The following CUX1 variants were observed in gnomAD, a reference collection of about 807,000 sequenced individuals.
CUX1 encodes protein CASP.
A neutral mutation model predicts 158.8 loss-of-function variants in CUX1; 31 were observed. That is an observed-to-expected ratio of 0.20 (90% confidence interval 0.15 to 0.26). The LOEUF (loss-of-function observed/expected upper bound fraction) is 0.26. CUX1 is among the 10% of genes least tolerant of loss of function. CUX1 has a pLI of 1.00. For missense variants in CUX1, 1,589 were observed against 2,014.6 expected, an observed-to-expected ratio of 0.79 and a Z score of 4.04; for synonymous variants, 879 against 862.1, an observed-to-expected ratio of 1.02 and a Z score of -0.34.
At chr7:102,185,562 G>A (rs1216933138) in intron 11 of CUX1, among the ~76,000 whole-genome samples, 1 of 151,742 alleles carries the variant, frequency 6.6e-6, no homozygotes, top group African/African-American at 2.4e-5. Context: ...TGGGACTGCC[G>A]GCACATGCTA....
intron 9 of CUX1, among the ~76,000 whole-genome samples, chr7:102,169,293 C>G (rs1466565049): frequency 6.6e-6 from 1 of 151,872 alleles, no homozygotes; most frequent in Non-Finnish European, 1.5e-5. Context: ...GGTCTCGAAC[C>G]CCTGACCTCA....
chr7:101,883,741 G>A (rs1799951761), intron 1 of CUX1, among the ~76,000 whole-genome samples: 2 of 151,766 alleles, frequency 1.3e-5, no homozygotes, highest in Admixed American at 6.6e-5. Flanking sequence ...GATTATAGGC[G>A]CCTGCTACCA....
chr7:102,254,680 G>A lies in CUX1; in HGVS notation c.*5638G>A, dbSNP rs898898764. 2.0e-6 allele frequency: 2 copies of A among 985,346 alleles called. No individual in the cohort carries two copies. The highest frequency in any genetic ancestry group is 4.7e-5 in the South Asian group (1 of 21,290). The allele number at this position is 985,346 out of a possible 1,614,324, so 61.0% of individuals were successfully genotyped here. ...CATTTAGAAAGCCCTCAGTGCTTCTGTGGTTTCACCTGGGCATCGACGACA... is the reference window on the plus strand; with the variant it reads ...CATTTAGAAAGCCCTCAGTGCTTCTATGGTTTCACCTGGGCATCGACGACA... On this transcript the variant is annotated 3_prime_UTR_variant, in exon 24 of 24. Transcript: ENST00000292535.
chr7:101,978,052 G>A (rs570097537), intron 2 of CUX1, among the ~76,000 whole-genome samples: 32 of 151,100 alleles, frequency 2.1e-4, no homozygotes, highest in African/African-American at 6.1e-4. Context: ...CCCCACTCGC[G>A]CCCTGCACCT....
intron 4 of CUX1, among the ~76,000 whole-genome samples, chr7:102,075,742 T>A (rs1826636170): frequency 6.6e-6 from 1 of 152,326 alleles, no homozygotes; most frequent in South Asian, 2.1e-4. Context: ...AATGTATCTT[T>A]TATTGAGTTG....
chr7:101,937,793 G>A (rs1051662204), intron 2 of CUX1, among the ~76,000 whole-genome samples: 4 of 152,062 alleles, frequency 2.6e-5, no homozygotes, highest in Non-Finnish European at 4.4e-5. Flanking sequence ...GATTACAGGC[G>A]AGAGCCACCG....
chr7:101,942,954 GGA>G (rs2129141449), intron 2 of CUX1, among the ~76,000 whole-genome samples: 1 of 152,290 alleles, frequency 6.6e-6, no homozygotes, highest in African/African-American at 2.4e-5. Flanking sequence ...AGCTTGGACG[GGA>G]ATCTGTCCTT....
intron 4 of CUX1, among the ~76,000 whole-genome samples, chr7:102,086,246 C>CT (rs201405420): frequency 0.022 from 3,041 of 138,134 alleles, 100 homozygotes; most frequent in African/African-American, 0.07. Flanking sequence ...TGATTTTTCT[C>CT]TTTTTTTTTT....
intron 1 of CUX1, among the ~76,000 whole-genome samples, chr7:101,911,581 C>T (rs1004691556): frequency 6.6e-6 from 1 of 152,072 alleles, no homozygotes; most frequent in South Asian, 2.1e-4. Context: ...TGAGCCTTGG[C>T]GTTGACCTTG....
At chr7:101,822,061 A>G (rs1478030472) in intron 1 of CUX1, among the ~76,000 whole-genome samples, 1 of 151,780 alleles carries the variant, frequency 6.6e-6, no homozygotes, top group Non-Finnish European at 1.5e-5. Flanking sequence ...TCACTGTGTT[A>G]GCCAGGATGG....
At chr7:102,011,275 C>T (rs77108197) in intron 2 of CUX1, among the ~76,000 whole-genome samples, 3,178 of 151,982 alleles carry the variant, frequency 0.021, 126 homozygotes, top group African/African-American at 0.074. Context: ...GCACTGAGAG[C>T]GCAGTGGGCG....
chr7:101,841,120 C>G (rs889401394), intron 1 of CUX1, among the ~76,000 whole-genome samples: 1 of 152,092 alleles, frequency 6.6e-6, no homozygotes, highest in African/African-American at 2.4e-5. Context: ...GTCTCGATCT[C>G]CTGACTTTGT....
rs782541934 is a variant in CUX1 at position 102,158,618 on chromosome 7, T to G, written c.723+10T>G. On this transcript the variant is annotated intron_variant, in intron 9 of 23. Transcript: ENST00000292535. The stretch of plus-strand genomic sequence containing the variant: ...TGAAAGGGCAAACCAGGTAGGACCC[T>G]GGACGCTTTTAGTCCTAAAACCCAC... 1.2e-6 allele frequency: 2 copies of G among 1,613,978 alleles called. No homozygotes were observed. The highest frequency in any genetic ancestry group is 1.1e-5 in the South Asian group (1 of 91,070).
At chr7:101,946,433 A>G (rs1049025671) in intron 2 of CUX1, among the ~76,000 whole-genome samples, 2 of 151,864 alleles carry the variant, frequency 1.3e-5, no homozygotes, top group Non-Finnish European at 2.9e-5. Context: ...AATTCCAGCT[A>G]CTTGGGAGGC....
At chr7:102,011,527 T>A (rs1818023800) in intron 2 of CUX1, among the ~76,000 whole-genome samples, 1 of 151,126 alleles carries the variant, frequency 6.6e-6, no homozygotes, top group South Asian at 2.1e-4. Context: ...GGATTACAGG[T>A]GTGCGCCACC....
chr7:102,133,281 C>T (rs1206985258), intron 8 of CUX1, among the ~76,000 whole-genome samples: 1 of 151,976 alleles, frequency 6.6e-6, no homozygotes, highest in African/African-American at 2.4e-5. Context: ...CTTTCCCCAG[C>T]TCACCTTGCA....
chr7:101,830,115 T>C (rs1554383001), intron 1 of CUX1, among the ~76,000 whole-genome samples: 1 of 152,174 alleles, frequency 6.6e-6, no homozygotes, highest in Non-Finnish European at 1.5e-5. Flanking sequence ...TGCCCGTAGA[T>C]ACTGATACCT....
At chr7:102,149,996 G>A (rs1835458883) in intron 8 of CUX1, among the ~76,000 whole-genome samples, 1 of 152,222 alleles carries the variant, frequency 6.6e-6, no homozygotes, top group Admixed American at 6.5e-5. Flanking sequence ...ATCACGTGCA[G>A]CCCTGGGGTA....
intron 1 of CUX1, among the ~76,000 whole-genome samples, chr7:101,915,159 A>G (rs1804037059): frequency 6.6e-6 from 1 of 152,192 alleles, no homozygotes; most frequent in Non-Finnish European, 1.5e-5. Context: ...GCGACTCGGC[A>G]GGAAAACAGG....
Sources: gnomAD v4.1 joint callset for allele counts (sites outside exome capture counted in the v4.1 genomes callset) on GRCh38, gnomAD v4.1.1 for gene constraint, MANE v1.5 for transcripts, NCBI Gene and HGNC (gene_info 2026-07-23, HGNC 2026-07-21) for gene names.